JAML: variants seen among roughly 807,000 people sequenced by gnomAD.
JAML encodes the protein junction adhesion molecule like.
A neutral mutation model predicts 39.3 loss-of-function variants in JAML; 25 were observed. The ratio of observed to expected loss-of-function variants is 0.64; its 90% CI spans 0.46 to 0.89. JAML has a LOEUF of 0.89. JAML is among the 40% of genes least tolerant of loss of function. The pLI, the probability that JAML is intolerant of heterozygous loss-of-function variation, is 0.00. For synonymous variants in JAML, 162 were observed against 179.2 expected, an observed-to-expected ratio of 0.90 and a Z score of 0.77; for missense variants, 440 against 486.9, an observed-to-expected ratio of 0.90 and a Z score of 0.91.
At chr11:118,212,693 T>G in intron 2 of JAML, 132 bp from the exon 3 acceptor site, 9 of 1,504,498 alleles carry the variant, frequency 6.0e-6, no homozygotes, top group Non-Finnish European at 8.0e-6. Context: ...CTCGGAGGCA[T>G]GTTCAAAGGC....
At chr11:118,221,903 T>C (rs937096591) in intron 1 of JAML, among the ~76,000 whole-genome samples, 1 of 152,254 alleles carries the variant, frequency 6.6e-6, no homozygotes, top group Non-Finnish European at 1.5e-5. Flanking sequence ...ACACCTTGTG[T>C]GTCCCTGTTT....
At chr11:118,200,166 G>A (rs776986505) in intron 7 of JAML, among the ~76,000 whole-genome samples, 4 of 152,170 alleles carry the variant, frequency 2.6e-5, no homozygotes, top group Non-Finnish European at 5.9e-5. Context: ...TTTAGGCAGT[G>A]AATGGTACCA....
intron 2 of JAML, 27 bp from the exon 3 acceptor site, chr11:118,212,588 C>G (rs1390069152): frequency 1.2e-6 from 2 of 1,611,152 alleles, no homozygotes; most frequent in East Asian, 2.2e-5. Flanking sequence ...CAAGAGGACA[C>G]ATCATTTAGA....
intron 5 of JAML, chr11:118,203,937 T>TA (rs571930322): frequency 1.8e-3 from 704 of 396,096 alleles, no homozygotes; most frequent in Middle Eastern, 2.9e-3. Flanking sequence ...ACCTTTCCAA[T>TA]AAAAAAAAAG....
intron 4 of JAML, among the ~76,000 whole-genome samples, chr11:118,207,026 G>A (rs1279542514): frequency 6.6e-6 from 1 of 152,182 alleles, no homozygotes; most frequent in Non-Finnish European, 1.5e-5. Flanking sequence ...TTCCCTGGGA[G>A]AAGAGTAACT....
rs1300531858 is a variant in JAML, at chr11:118,214,804, G to A, written c.43+20C>T. On this transcript the variant is annotated intron_variant, in intron 2 of 9. Transcript: ENST00000356289. The stretch of plus-strand genomic sequence containing the variant: ...CAGGAGAAATCAAATACCCCACGGA[G>A]TCCCTTAGCTTCTACTTACCCAGTA... 6.2e-7 allele frequency: 1 copy of A among 1,612,498 alleles called. No homozygotes were observed. The highest frequency in any genetic ancestry group is 8.5e-7 in the Non-Finnish European group (1 of 1,178,592).
chr11:118,210,377 G>A (rs1371041122), intron 4 of JAML, 110 bp downstream of exon 4: 1 of 894,964 alleles, frequency 1.1e-6, no homozygotes, highest in Admixed American at 2.6e-5. Flanking sequence ...TCACTCTGTG[G>A]TAAGTACTTA....
At chr11:118,197,939 G>T in intron 8 of JAML, 59 bp downstream of exon 8, 1 of 1,470,192 alleles carries the variant, frequency 6.8e-7, no homozygotes, top group Non-Finnish European at 9.5e-7. Flanking sequence ...GTTCCCGGGG[G>T]TATGAGAACG....
intron 7 of JAML, among the ~76,000 whole-genome samples, chr11:118,199,693 ATTTT>A (rs34379845): frequency 6.2e-4 from 66 of 107,112 alleles, no homozygotes; most frequent in African/African-American, 1.3e-3. Context: ...TATTATTATT[ATTTT>A]TTTTTTTTTT....
chr11:118,224,555 T>C (rs1949241770), intron 1 of JAML, among the ~76,000 whole-genome samples: 1 of 152,086 alleles, frequency 6.6e-6, no homozygotes, highest in African/African-American at 2.4e-5. Context: ...TGTTTAAAAA[T>C]AAAATTAAAA....
intron 1 of JAML, among the ~76,000 whole-genome samples, chr11:118,219,308 CTT>C (rs1435323414): frequency 2.0e-5 from 3 of 152,138 alleles, no homozygotes; most frequent in Non-Finnish European, 4.4e-5. Context: ...AAAGGGGACT[CTT>C]ATACATTATT....
At chr11:118,194,927 C>T (rs938228482) in intron 9 of JAML, among the ~76,000 whole-genome samples, 11 of 152,272 alleles carry the variant, frequency 7.2e-5, no homozygotes, top group South Asian at 6.2e-4. Context: ...CTTGACTGGC[C>T]CCTGCCAGCC....
chr11:118,197,538 T>C (rs1948684668), intron 8 of JAML: 1 of 155,110 alleles, frequency 6.4e-6, no homozygotes, highest in South Asian at 1.9e-4. Context: ...GACTATTTCA[T>C]TTTAAGCATT....
chr11:118,203,138 A>C (rs1948844603), intron 6 of JAML: 1 of 562,624 alleles, frequency 1.8e-6, no homozygotes, highest in Non-Finnish European at 3.4e-6. Context: ...TTACATCAGT[A>C]GATGACCCTG....
At chr11:118,209,369 A>T (rs1240627055) in intron 4 of JAML, among the ~76,000 whole-genome samples, 1 of 152,162 alleles carries the variant, frequency 6.6e-6, no homozygotes, top group Non-Finnish European at 1.5e-5. Flanking sequence ...TGCAGGTGGG[A>T]GCCTAGGGTC....
At chr11:118,211,834 CT>C (rs1019267165) in intron 3 of JAML, among the ~76,000 whole-genome samples, 19 of 152,280 alleles carry the variant, frequency 1.2e-4, no homozygotes, top group African/African-American at 4.6e-4. Flanking sequence ...GCCCACCATG[CT>C]GCATCTGCTA....
Position 118,210,425 on chromosome 11 carries a change from C to T in JAML, c.424+62G>A, listed in dbSNP as rs1949024405. 1.9e-6 allele frequency: 3 copies of T among 1,540,244 alleles called. No homozygotes were observed. In the Admixed American group the frequency reaches 5.2e-5, roughly 27 times the overall value. On this transcript the variant is annotated intron_variant, in intron 4 of 9. Transcript: ENST00000356289. ...GCATTTACTCAAGATAATCAGTTTCCTTGCCTCTTGCACATGAAAGCTCTT... is the reference window on the plus strand; with the variant it reads ...GCATTTACTCAAGATAATCAGTTTCTTTGCCTCTTGCACATGAAAGCTCTT...
intron 8 of JAML, chr11:118,197,705 C>T (rs143598744): frequency 2.2e-3 from 717 of 328,962 alleles, no homozygotes; most frequent in Admixed American, 8.2e-3. Context: ...TTATCTTTAT[C>T]CTCATTTTGC....
intron 7 of JAML, 78 bp from the exon 8 acceptor site, chr11:118,198,169 G>T: frequency 8.2e-7 from 1 of 1,222,028 alleles, no homozygotes. Flanking sequence ...ATCCCCTCTT[G>T]GCTTCGTGAA....
Sources: allele counts gnomAD v4.1 joint callset (sites outside exome capture counted in the v4.1 genomes callset), GRCh38; gene constraint gnomAD v4.1.1; transcripts MANE v1.5; gene names NCBI Gene and HGNC (gene_info 2026-07-23, HGNC 2026-07-21).